Variants in SRGAP1 observed in about 807,000 individuals in gnomAD.
SRGAP1 encodes the protein SLIT-ROBO Rho GTPase-activating protein 1.
Under a neutral mutation model 121.9 loss-of-function variants are expected in SRGAP1, and 43 were observed. That is an observed-to-expected ratio of 0.35 (90% confidence interval 0.28 to 0.46). SRGAP1 has a LOEUF of 0.46. Among genes scored for constraint, SRGAP1 ranks in the 20% least tolerant of loss-of-function variants. The pLI, the probability that SRGAP1 is intolerant of heterozygous loss-of-function variation, is 1.00. For synonymous variants in SRGAP1, 447 were observed against 485.4 expected (o/e 0.92, Z 1.04); for missense variants, 1,102 against 1,350.9 (o/e 0.82, Z 2.89).
chr12:64,002,780 C>G (rs935412266), intron 3 of SRGAP1, among the ~76,000 whole-genome samples: 2 of 151,994 alleles, frequency 1.3e-5, no homozygotes, highest in Admixed American at 6.6e-5. Context: ...TATTCCGAAT[C>G]CAACCAGATT....
intron 1 of SRGAP1, among the ~76,000 whole-genome samples, chr12:63,958,670 T>G (rs151029364): frequency 2.6e-5 from 4 of 152,340 alleles, no homozygotes; most frequent in Non-Finnish European, 5.9e-5. Flanking sequence ...ATTGTGTTAC[T>G]TCAGGCAAAC....
Position 64,097,222 on chromosome 12 carries a change from G to GTTTTT in SRGAP1, c.1679-7_1679-3dup. 15 of 1,459,340 alleles carry GTTTTT rather than the reference G, an allele frequency of 1.0e-5. No homozygotes were observed. The highest frequency in any genetic ancestry group is 1.9e-4 in the Middle Eastern group (1 of 5,242). 90.4% of individuals were successfully genotyped at this position (1,459,340 alleles called of 1,614,324 possible). A position where few individuals can be genotyped will look rare whatever the true frequency, so the allele number is the denominator to read the frequency against. On this transcript the variant is annotated intron_variant, in intron 14 of 21. Coordinates refer to ENST00000355086, the MANE Select transcript of SRGAP1 (RefSeq NM_020762.4). ...AAAAGAAGCACTGTTAATGTAATGA[G>GTTTTT]TTTTTTTTTTTTTTTTAGGTGAAAA... is the stretch of plus-strand genomic sequence containing the variant.
intron 15 of SRGAP1, among the ~76,000 whole-genome samples, chr12:64,098,083 A>G (rs1399508118): frequency 6.6e-6 from 1 of 152,152 alleles, no homozygotes; most frequent in Non-Finnish European, 1.5e-5. Flanking sequence ...AAGAGTCTAG[A>G]GCTGACTTCA....
intron 21 of SRGAP1, among the ~76,000 whole-genome samples, chr12:64,131,218 T>C (rs940148739): frequency 2.6e-5 from 4 of 152,224 alleles, no homozygotes; most frequent in Admixed American, 2.0e-4. Flanking sequence ...GGTCACCCGT[T>C]GGTGAGTACT....
intron 1 of SRGAP1, among the ~76,000 whole-genome samples, chr12:63,855,734 C>G (rs1899228205): frequency 6.6e-6 from 1 of 151,814 alleles, no homozygotes; most frequent in African/African-American, 2.4e-5. Flanking sequence ...AGTGATTGCC[C>G]TCCTTGGCCT....
intron 3 of SRGAP1, among the ~76,000 whole-genome samples, chr12:64,013,097 C>T (rs1450824478): frequency 6.6e-6 from 1 of 152,146 alleles, no homozygotes; most frequent in Non-Finnish European, 1.5e-5. Context: ...TAAAGGATTT[C>T]AGTTCATTAG....
intron 10 of SRGAP1, 135 bp from the exon 11 acceptor site, chr12:64,086,864 A>G: frequency 1.6e-6 from 1 of 636,584 alleles, no homozygotes. Flanking sequence ...TGCTATCCTC[A>G]TGTTTTCTGC....
intron 1 of SRGAP1, among the ~76,000 whole-genome samples, chr12:63,972,413 T>C (rs1202556698): frequency 2.6e-5 from 4 of 152,282 alleles, no homozygotes; most frequent in Non-Finnish European, 5.9e-5. Context: ...GGAGAAACCT[T>C]ATAGGGTTGG....
At chr12:63,926,755 A>G (rs1171129395) in intron 1 of SRGAP1, among the ~76,000 whole-genome samples, 1 of 152,166 alleles carries the variant, frequency 6.6e-6, no homozygotes, top group Non-Finnish European at 1.5e-5. Flanking sequence ...TATTGACTAT[A>G]GCCACCCTGA....
intron 1 of SRGAP1, among the ~76,000 whole-genome samples, chr12:63,912,338 TG>T (rs1413059836): frequency 1.3e-5 from 2 of 151,930 alleles, no homozygotes; most frequent in African/African-American, 2.4e-5. Context: ...CTGGGCACCG[TG>T]GCTCAGACCT....
intron 4 of SRGAP1, among the ~76,000 whole-genome samples, chr12:64,031,487 C>T (rs1409105933): frequency 6.6e-6 from 1 of 152,058 alleles, no homozygotes; most frequent in Non-Finnish European, 1.5e-5. Context: ...TCCAAGAGGG[C>T]ACATAAACCA....
rs147174901 is a variant in SRGAP1 at position 64,113,406 on chromosome 12, T to C, written c.2144+1420T>C. Among the ~76,000 whole-genome samples, 1,030 of 152,076 alleles carry C rather than the reference T, an allele frequency of 6.8e-3. 11 individuals carry two copies. The highest frequency in any genetic ancestry group is 9.6e-3 in the Non-Finnish European group (649 of 67,952). ...CTGGGTGACAGAGCAAGATTCTGTC[T>C]CAAAAAAATAAAAAAATTTAGAAGG... On this transcript the variant is annotated intron_variant, in intron 17 of 21. Transcript: ENST00000355086.
chr12:63,927,847 G>A (rs557427616), intron 1 of SRGAP1, among the ~76,000 whole-genome samples: 1 of 152,130 alleles, frequency 6.6e-6, no homozygotes, highest in Admixed American at 6.5e-5. Flanking sequence ...GAACAGCTAG[G>A]TTAAATGTGA....
chr12:63,984,143 G>A lies in SRGAP1; in HGVS notation c.263+1G>A. On this transcript the variant is annotated splice_donor_variant, in intron 2 of 21. Coordinates refer to ENST00000355086, the MANE Select transcript of SRGAP1 (RefSeq NM_020762.4). LOFTEE classifies it high-confidence loss of function. ...GCACTAAGGATCATCAACAATACAA[G>A]TAAGAGATTTGAATCTAATTCACCT... The A allele has an allele frequency of 6.9e-7, 1 of 1,439,210 alleles. No homozygotes were observed. Among genetic ancestry groups the A allele is most frequent in the Non-Finnish European group, 9.3e-7 (1 of 1,073,486 alleles). 89.2% of individuals were successfully genotyped at this position (1,439,210 alleles called of 1,614,324 possible). A position where few individuals can be genotyped will look rare whatever the true frequency, so the allele number is the denominator to read the frequency against.
rs558248193 is a variant in SRGAP1 at position 64,044,674 on chromosome 12, C to CTTTTTTTTT, written c.801+1116_801+1124dup. On this transcript the variant is annotated intron_variant, in intron 6 of 21. Transcript: ENST00000355086. ...AGCTTATTAACACTCTGATGTGCCT[C>CTTTTTTTTT]TTTTTTTTTTTTTTTTTTTTTTTTT... Among the ~76,000 whole-genome samples the CTTTTTTTTT allele has an allele frequency of 3.5e-4, 25 of 72,116 alleles. 3 individuals carry two copies. The highest frequency in any genetic ancestry group is 8.7e-4 in the African/African-American group (19 of 21,748). 47.3% of individuals were successfully genotyped at this position (72,116 alleles called of 152,430 possible).
Position 63,919,499 on chromosome 12 carries a change from C to CATATAT in SRGAP1, c.68-64430_68-64425dup, listed in dbSNP as rs10570691. On this transcript the variant is annotated intron_variant, in intron 1 of 21. Coordinates refer to ENST00000355086, the MANE Select transcript of SRGAP1 (RefSeq NM_020762.4). Reference sequence around the variant, plus strand: ...TTTTAATTGTTTTAACTTAACATTACATATATATATATATATATATATACA... The same window carrying CATATAT: ...TTTTAATTGTTTTAACTTAACATTACATATATATATATATATATATATATATATACA... 2.0e-3 allele frequency among the ~76,000 whole-genome samples: 274 copies of CATATAT among 134,178 alleles called. 3 individuals carry two copies. Among genetic ancestry groups the CATATAT allele is most frequent in the African/African-American group, 3.3e-3 (106 of 32,602 alleles). The allele number at this position is 134,178 out of a possible 152,430, so 88.0% of individuals were successfully genotyped here.
intron 1 of SRGAP1, among the ~76,000 whole-genome samples, chr12:63,969,281 A>C (rs192707989): frequency 6.6e-6 from 1 of 152,142 alleles, no homozygotes; most frequent in Non-Finnish European, 1.5e-5. Flanking sequence ...GATTTCATTA[A>C]AGTTGAAGTT....
intron 1 of SRGAP1, among the ~76,000 whole-genome samples, chr12:63,910,122 T>C (rs894673213): frequency 7.9e-5 from 12 of 152,230 alleles, no homozygotes; most frequent in Admixed American, 7.2e-4. Context: ...GTCTTTTGTT[T>C]CTCTTTACTC....
At chr12:64,072,148 G>GTGTGTGTGTGGGT (rs1555171583) in intron 8 of SRGAP1, among the ~76,000 whole-genome samples, 1 of 52,926 alleles carries the variant, frequency 1.9e-5, no homozygotes, top group African/African-American at 4.4e-5. Context: ...GTGTGTGTGT[G>GTGTGTGTGTGGGT]GGCGGCGGGG....
Sources: allele counts gnomAD v4.1 joint callset (sites outside exome capture counted in the v4.1 genomes callset), GRCh38; gene constraint gnomAD v4.1.1; transcripts MANE v1.5; gene names NCBI Gene and HGNC (gene_info 2026-07-23, HGNC 2026-07-21).